The following BMAL2 variants were observed in gnomAD, a reference collection of about 807,000 sequenced individuals.
The protein encoded by BMAL2 is basic helix-loop-helix ARNT-like protein 2.
At chr12:27,349,596 G>A in the BMAL2 span, among the ~76,000 whole-genome samples, 1 of 152,246 alleles carries the variant, frequency 6.6e-6, no homozygotes, top group Non-Finnish European at 1.5e-5. Context: ...AGGATGGAAA[G>A]GCACACTAGT....
chr12:27,404,325 C>T, the BMAL2 span, among the ~76,000 whole-genome samples: 5 of 149,958 alleles, frequency 3.3e-5, no homozygotes, highest in Admixed American at 6.6e-5. Context: ...TATTAAAATA[C>T]GTTATAAAGC....
At chr12:27,393,283 T>G in the BMAL2 span, among the ~76,000 whole-genome samples, 2 of 152,236 alleles carry the variant, frequency 1.3e-5, no homozygotes, top group South Asian at 4.1e-4. Flanking sequence ...TTAGGGGCAC[T>G]GAATAAATAC....
At chr12:27,402,563 T>C in the BMAL2 span, 1 of 1,403,998 alleles carries the variant, frequency 7.1e-7, no homozygotes, top group Non-Finnish European at 1.0e-6. Flanking sequence ...GTGTAGTTGC[T>C]ATAACAGTTT....
the BMAL2 span, among the ~76,000 whole-genome samples, chr12:27,343,441 T>G: frequency 6.6e-6 from 1 of 152,252 alleles, no homozygotes; most frequent in Non-Finnish European, 1.5e-5. Flanking sequence ...TTATAGGCTT[T>G]GTGTAGAATT....
At chr12:27,415,939 T>A in the BMAL2 span, 8 of 1,588,232 alleles carry the variant, frequency 5.0e-6, no homozygotes, top group Non-Finnish European at 6.9e-6. Context: ...TACTGTAAAC[T>A]GCAGGAGTGT....
At chr12:27,418,460 C>G in the BMAL2 span, among the ~76,000 whole-genome samples, 1 of 151,508 alleles carries the variant, frequency 6.6e-6, no homozygotes, top group East Asian at 1.9e-4. Flanking sequence ...TTTTAATTAG[C>G]TAGGCATGAT....
chr12:27,409,070 A>C, the BMAL2 span, among the ~76,000 whole-genome samples: 16 of 152,202 alleles, frequency 1.1e-4, no homozygotes, highest in Non-Finnish European at 1.5e-4. Flanking sequence ...GAGAACTAGA[A>C]ACCACTGCTC....
chr12:27,332,917 T>A, the BMAL2 span: 3 of 331,586 alleles, frequency 9.0e-6, no homozygotes, highest in East Asian at 1.0e-4. Context: ...CGTGCGCGCC[T>A]ACGGGCTGCG....
the BMAL2 span, among the ~76,000 whole-genome samples, chr12:27,409,481 A>C: frequency 6.6e-6 from 1 of 152,270 alleles, no homozygotes; most frequent in Non-Finnish European, 1.5e-5. Context: ...CCTGACAAAA[A>C]GAAGAAATGG....
At chr12:27,372,736 T>G in the BMAL2 span, among the ~76,000 whole-genome samples, 94 of 152,224 alleles carry the variant, frequency 6.2e-4, no homozygotes, top group African/African-American at 2.0e-3. Context: ...TGCAGTGGCG[T>G]GATCTCGGCT....
chr12:27,403,804 G>T, the BMAL2 span, among the ~76,000 whole-genome samples: 1 of 152,026 alleles, frequency 6.6e-6, no homozygotes, highest in Non-Finnish European at 1.5e-5. Context: ...CAACAGGAAG[G>T]CAGAATTGTA....
chr12:27,376,634 C>T, the BMAL2 span, among the ~76,000 whole-genome samples: 2 of 152,114 alleles, frequency 1.3e-5, no homozygotes, highest in Non-Finnish European at 2.9e-5. Flanking sequence ...CTATTATTTT[C>T]TTCAAGCACT....
At chr12:27,402,565 T>C in the BMAL2 span, 29 of 1,435,824 alleles carry the variant, frequency 2.0e-5, no homozygotes, top group Non-Finnish European at 2.8e-5. Context: ...GTAGTTGCTA[T>C]AACAGTTTCC....
At chr12:27,339,668 A>G in the BMAL2 span, among the ~76,000 whole-genome samples, 4 of 149,246 alleles carry the variant, frequency 2.7e-5, no homozygotes, top group Non-Finnish European at 5.9e-5. Context: ...TCTGTCACCC[A>G]GGCTGGAGTG....
At chr12:27,402,673 A>C in the BMAL2 span, 1 of 1,610,666 alleles carries the variant, frequency 6.2e-7, no homozygotes, top group Non-Finnish European at 8.5e-7. Flanking sequence ...CTCAATCATC[A>C]GAAGGTAAGC....
chr12:27,389,447 T>C, the BMAL2 span: 2 of 564,690 alleles, frequency 3.5e-6, no homozygotes, highest in East Asian at 6.0e-5. Context: ...TAAATATATA[T>C]AGCTATATAG....
chr12:27,399,149 G>A, the BMAL2 span, among the ~76,000 whole-genome samples: 1 of 152,190 alleles, frequency 6.6e-6, no homozygotes, highest in Non-Finnish European at 1.5e-5. Context: ...TGGATACAAG[G>A]TTTTATGCAT....
the BMAL2 span, chr12:27,380,509 T>C: frequency 1.6e-6 from 2 of 1,248,400 alleles, no homozygotes; most frequent in Non-Finnish European, 2.3e-6. Flanking sequence ...TCTATCCAGA[T>C]GTGTCTTTCA....
the BMAL2 span, chr12:27,385,669 A>G: frequency 1.6e-6 from 1 of 642,142 alleles, no homozygotes; most frequent in Non-Finnish European, 2.7e-6. Context: ...GGGACTCCAT[A>G]TTACACCGTA....
Sources: gnomAD v4.1 joint callset for allele counts (sites outside exome capture counted in the v4.1 genomes callset) on GRCh38, gnomAD v4.1.1 for gene constraint, MANE v1.5 for transcripts, NCBI Gene and HGNC (gene_info 2026-07-23, HGNC 2026-07-21) for gene names.